The following TANGO2 variants were observed in gnomAD, a reference collection of about 807,000 sequenced individuals.
TANGO2 encodes transport and Golgi organization protein 2 homolog.
A neutral mutation model predicts 39.1 loss-of-function variants in TANGO2; 26 were observed. The observed-to-expected ratio is 0.67, with a 90% CI of 0.49 to 0.92. TANGO2 has a LOEUF of 0.92. Ranked by LOEUF, TANGO2 falls within the 40% of genes least tolerant of loss-of-function variation. The pLI, the probability that TANGO2 is intolerant of heterozygous loss-of-function variation, is 0.00. For synonymous variants in TANGO2, 131 were observed against 144.5 expected (o/e 0.91, Z 0.67); for missense variants, 326 against 360.1 (o/e 0.91, Z 0.77).
At chr22:20,062,066 G>GAGTGGCT (rs1383921172) in intron 7 of TANGO2, among the ~76,000 whole-genome samples, 1 of 152,216 alleles carries the variant, frequency 6.6e-6, no homozygotes, top group East Asian at 1.9e-4. Flanking sequence ...TCATGGAAAT[G>GAGTGGCT]AGTGGCTAGG....
chr22:20,040,165 T>C (rs1481006090), intron 2 of TANGO2, among the ~76,000 whole-genome samples: 1 of 152,160 alleles, frequency 6.6e-6, no homozygotes, highest in Non-Finnish European at 1.5e-5. Flanking sequence ...ATGTATTCAA[T>C]GAAATCCCTG....
chr22:20,064,439 G>A (rs187289619), intron 8 of TANGO2, 103 bp from the exon 9 acceptor site: 7 of 1,467,482 alleles, frequency 4.8e-6, no homozygotes, highest in African/African-American at 1.4e-5. Context: ...CAGGCATGGG[G>A]TTCCTAACTC....
At chr22:20,061,927 G>C in intron 7 of TANGO2, 1 of 521,328 alleles carries the variant, frequency 1.9e-6, no homozygotes, top group Non-Finnish European at 3.3e-6. Context: ...GGGAGGCTCA[G>C]TGCACCCAGA....
chr22:20,053,691 C>T, intron 5 of TANGO2, 140 bp downstream of exon 5: 1 of 684,602 alleles, frequency 1.5e-6, no homozygotes, highest in Non-Finnish European at 2.7e-6. Context: ...GGCAAACATT[C>T]TGAGGACTGA....
chr22:20,038,420 A>G (rs2043259216), intron 2 of TANGO2, among the ~76,000 whole-genome samples: 2 of 151,980 alleles, frequency 1.3e-5, no homozygotes, highest in African/African-American at 2.4e-5. Context: ...AAGAGACTCA[A>G]CCCACCCCGA....
intron 1 of TANGO2, among the ~76,000 whole-genome samples, chr22:20,023,319 C>T (rs1022586404): frequency 1.3e-5 from 2 of 152,016 alleles, no homozygotes; most frequent in Admixed American, 6.6e-5. Context: ...TTACTAACCA[C>T]TCAGGCCGCA....
At chr22:20,030,458 T>C (rs2041641651) in intron 1 of TANGO2, among the ~76,000 whole-genome samples, 1 of 152,172 alleles carries the variant, frequency 6.6e-6, no homozygotes, top group African/African-American at 2.4e-5. Flanking sequence ...GCAAGTCTTC[T>C]GTCTCAGCCT....
chr22:20,050,844 T>G lies in TANGO2; in HGVS notation c.146-1621T>G, dbSNP rs912806137. 1.1e-4 allele frequency among the ~76,000 whole-genome samples: 10 copies of G among 88,850 alleles called. No homozygotes were observed. The East Asian group carries it at 0.011, about 97-fold the overall frequency. The allele number at this position is 88,850 out of a possible 152,430, so 58.3% of individuals were successfully genotyped here. On this transcript the variant is annotated intron_variant, in intron 3 of 8. Transcript: ENST00000327374. Reference sequence around the variant, plus strand: ...GGTTGCAAATACAGTTTTGTTGGGTTTTTTTTTTTTTTTTGAGACAGAGTT... The same window carrying G: ...GGTTGCAAATACAGTTTTGTTGGGTGTTTTTTTTTTTTTTGAGACAGAGTT...
chr22:20,064,680 G>T lies in TANGO2; in HGVS notation c.*18G>T. ...AGAGCTAACCCCACCTCTGGGCCTG[G>T]CCAGTGGGCTCCTGGGGGGCCCTGC... On this transcript the variant is annotated 3_prime_UTR_variant, in exon 9 of 9. Coordinates refer to ENST00000327374, the MANE Select transcript of TANGO2 (RefSeq NM_152906.7). 6.2e-7 allele frequency: 1 copy of T among 1,613,304 alleles called. No individual in the cohort carries two copies.
At chr22:20,017,058 A>C (rs1945235766), upstream of TANGO2, 1 of 152,080 alleles carries the variant, frequency 6.6e-6, no homozygotes. Flanking sequence ...GTGGCAGGGT[A>C]CGCGGGACCG....
At chr22:20,034,194 A>AAAC (rs137994200) in intron 1 of TANGO2, among the ~76,000 whole-genome samples, 187 of 57,020 alleles carry the variant, frequency 3.3e-3, no homozygotes, top group African/African-American at 0.014. Context: ...AGCAAAAACA[A>AAAC]AACAACAACA....
At chr22:20,018,420 C>G (rs149771367), upstream of TANGO2, among the ~76,000 whole-genome samples, 27 of 152,290 alleles carry the variant, frequency 1.8e-4, no homozygotes, top group African/African-American at 5.8e-4. Flanking sequence ...TAGGAGTAGA[C>G]GTAATGAGTC....
chr22:20,063,232 C>T (rs1602416148), intron 7 of TANGO2, 106 bp from the exon 8 acceptor site: 7 of 822,574 alleles, frequency 8.5e-6, no homozygotes, highest in East Asian at 2.5e-5. Context: ...TGCAGTTCCC[C>T]GGCCACTCCC....
chr22:20,042,704 G>A (rs1010655565), intron 2 of TANGO2, among the ~76,000 whole-genome samples: 7 of 152,168 alleles, frequency 4.6e-5, no homozygotes, highest in Non-Finnish European at 8.8e-5. Context: ...GGCGGGAGTT[G>A]CAGTGAGCCG....
At position 20,049,235 on chromosome 22, in the gene TANGO2, T is replaced by C. The variant is rs541471120; in HGVS notation, c.146-3230T>C. On this transcript the variant is annotated intron_variant, in intron 3 of 8. Transcript: ENST00000327374. ...TTATCTTTTGCCTAGTTCATTACTA[T>C]GGCAACTTGGTTGTACATCAGTTGA... 5.3e-5 allele frequency among the ~76,000 whole-genome samples: 8 copies of C among 152,336 alleles called. No homozygotes were observed. The East Asian group carries it at 1.5e-3, about 29-fold the overall frequency.
rs767679004 is a variant in TANGO2 at position 20,033,211 on chromosome 22, T to G, written c.-39-3549T>G. On this transcript the variant is annotated intron_variant, in intron 1 of 8. Coordinates refer to ENST00000327374, the MANE Select transcript of TANGO2 (RefSeq NM_152906.7). ...CCAGGGGCTGGCTTTCCTCTGGTCCTTCCCTCCCAATGACCGCGTCTTCGT... is the reference window on the plus strand; with the variant it reads ...CCAGGGGCTGGCTTTCCTCTGGTCCGTCCCTCCCAATGACCGCGTCTTCGT... 7.8e-5 allele frequency: 41 copies of G among 527,080 alleles called. 1 individual carries two copies. Among genetic ancestry groups the G allele is most frequent in the Admixed American group, 7.7e-4 (39 of 50,654 alleles). The allele number at this position is 527,080 out of a possible 1,614,324, so 32.7% of individuals were successfully genotyped here. A position where few individuals can be genotyped will look rare whatever the true frequency, so the allele number is the denominator to read the frequency against.
At chr22:20,056,905 A>G in intron 6 of TANGO2, 1 of 456,570 alleles carries the variant, frequency 2.2e-6, no homozygotes, top group Non-Finnish European at 4.4e-6. Context: ...CCTCTACTCA[A>G]GCTGCTGGCT....
chr22:20,021,935 C>A (rs2039769181), intron 1 of TANGO2, among the ~76,000 whole-genome samples: 1 of 152,256 alleles, frequency 6.6e-6, no homozygotes, highest in African/African-American at 2.4e-5. Flanking sequence ...GGGCCTCAGG[C>A]CCCCTTCCTC....
chr22:20,063,652 G>A, intron 8 of TANGO2: 1 of 523,814 alleles, frequency 1.9e-6, no homozygotes, highest in Admixed American at 3.5e-5. Context: ...TAAGGAGCCA[G>A]TACACAGCCA....
Sources: gnomAD v4.1 joint callset for allele counts (sites outside exome capture counted in the v4.1 genomes callset) on GRCh38, gnomAD v4.1.1 for gene constraint, MANE v1.5 for transcripts, NCBI Gene and HGNC (gene_info 2026-07-23, HGNC 2026-07-21) for gene names.